ZAP70: variants seen among roughly 807,000 people sequenced by gnomAD.
ZAP70 encodes the protein tyrosine-protein kinase ZAP-70.
ZAP70 carries 27 observed loss-of-function variants against 65.8 expected under a neutral mutation model. The observed-to-expected ratio is 0.41, with a 90% confidence interval of 0.30 to 0.57. ZAP70 has a LOEUF of 0.57. ZAP70 is among the 20% of genes least tolerant of loss of function. The pLI, the probability that ZAP70 is intolerant of heterozygous loss-of-function variation, is 0.28. For synonymous variants in ZAP70, 363 were observed against 360.8 expected (o/e 1.01, Z -0.07); for missense variants, 696 against 870.5 (o/e 0.80, Z 2.52).
chr2:97,756,222 C>T, the ZAP70 span: 1 of 152,170 alleles, frequency 6.6e-6, no homozygotes, highest in South Asian at 2.1e-4. Flanking sequence ...AGAAGGCAAA[C>T]CCCGTCTTAA....
chr2:97,753,143 C>G, the ZAP70 span, among the ~76,000 whole-genome samples: 14 of 152,256 alleles, frequency 9.2e-5, no homozygotes, highest in South Asian at 2.9e-3. Flanking sequence ...GCAACAGGCA[C>G]CTATAACCTG....
In ZAP70 at chr2:97,724,640, G is replaced by A. The variant is rs1219401235; in HGVS notation, c.402+202G>A. Reference sequence around the variant, plus strand: ...GGCTCCGTGGTGGCGGTCGCCTTCCGCAGGCTGAGCGATGCTATGGTGCTC... The same window carrying A: ...GGCTCCGTGGTGGCGGTCGCCTTCCACAGGCTGAGCGATGCTATGGTGCTC... On this transcript the variant is annotated intron_variant, in intron 3 of 13. Transcript: ENST00000264972. 2.6e-6 allele frequency: 4 copies of A among 1,531,892 alleles called. No homozygotes were observed. The South Asian group carries it at 3.6e-5, about 14-fold the overall frequency. 94.9% of individuals were successfully genotyped at this position (1,531,892 alleles called of 1,614,324 possible). A position where few individuals can be genotyped will look rare whatever the true frequency, so the allele number is the denominator to read the frequency against.
chr2:97,730,983 A>C (rs1321594386), intron 4 of ZAP70, among the ~76,000 whole-genome samples: 1 of 147,312 alleles, frequency 6.8e-6, no homozygotes, highest in Non-Finnish European at 1.5e-5. Flanking sequence ...TGGACCCAGG[A>C]GGCAGAGCTT....
chr2:97,735,699 G>A (rs1677846325), intron 10 of ZAP70, among the ~76,000 whole-genome samples: 1 of 152,226 alleles, frequency 6.6e-6, no homozygotes, highest in Non-Finnish European at 1.5e-5. Context: ...TGCGAGGATC[G>A]AATGAGTCGG....
chr2:97,751,758 C>A, the ZAP70 span, among the ~76,000 whole-genome samples: 1 of 152,142 alleles, frequency 6.6e-6, no homozygotes, highest in African/African-American at 2.4e-5. Context: ...TGGGTGCACT[C>A]CTGGTGGAGG....
In ZAP70 at chr2:97,736,794, A is replaced by C. The variant is rs1255107818; in HGVS notation, c.1290-679A>C. On this transcript the variant is annotated intron_variant, in intron 10 of 13. Coordinates refer to ENST00000264972, the MANE Select transcript of ZAP70 (RefSeq NM_001079.4). This position sits in a 1 kb window ranked among gnomAD's most constrained non-coding sequence, Gnocchi z 4.0. Reference sequence around the variant, plus strand: ...TGGTGCGGGCAGGGAGGGGATGAGCAGACCGTGCCAGGCCTTGCGGGCTGC... The same window carrying C: ...TGGTGCGGGCAGGGAGGGGATGAGCCGACCGTGCCAGGCCTTGCGGGCTGC... 6.6e-6 allele frequency among the ~76,000 whole-genome samples: 1 copy of C among 152,144 alleles called. No individual in the cohort carries two copies. Among genetic ancestry groups the C allele is most frequent in the Non-Finnish European group, 1.5e-5 (1 of 68,016 alleles).
chr2:97,734,225 A>G, intron 8 of ZAP70: 1 of 641,872 alleles, frequency 1.6e-6, no homozygotes, highest in African/African-American at 1.8e-5. Context: ...GCGTACACGT[A>G]CGAATGCACA....
the ZAP70 span, among the ~76,000 whole-genome samples, chr2:97,749,552 G>A: frequency 4.6e-5 from 7 of 152,194 alleles, no homozygotes; most frequent in African/African-American, 7.2e-5. Flanking sequence ...CTGCAGAAGC[G>A]GGAGGGGACT....
chr2:97,741,079 C>G (rs1332476296), downstream of ZAP70, among the ~76,000 whole-genome samples: 1 of 152,138 alleles, frequency 6.6e-6, no homozygotes, highest in African/African-American at 2.4e-5. Context: ...GATGGTTTAG[C>G]TTTTCTACGG....
chr2:97,747,815 G>GTTT, the ZAP70 span, among the ~76,000 whole-genome samples: 608 of 54,668 alleles, frequency 0.011, 84 homozygotes, highest in Middle Eastern at 0.024. Context: ...CTGGCACGAG[G>GTTT]TTTTTTTTTT....
At chr2:97,723,411 T>G (rs773902031) in intron 2 of ZAP70, among the ~76,000 whole-genome samples, 1 of 152,248 alleles carries the variant, frequency 6.6e-6, no homozygotes, top group African/African-American at 2.4e-5. Context: ...CCTCTCTGCC[T>G]GATGCGCTGT....
chr2:97,740,333 T>A (rs897450324), downstream of ZAP70, among the ~76,000 whole-genome samples: 2 of 152,244 alleles, frequency 1.3e-5, no homozygotes, highest in South Asian at 4.1e-4. Flanking sequence ...ATGCAAACAT[T>A]GTTTTTAAAT....
At position 97,737,400 on chromosome 2, in the gene ZAP70, A is replaced by G; in HGVS notation, c.1290-73A>G. 6.5e-7 allele frequency: 1 copy of G among 1,539,660 alleles called. No homozygotes were observed. Among genetic ancestry groups the G allele is most frequent in the East Asian group, 2.2e-5 (1 of 44,458 alleles). ...CACCTGGCTCATGCCCAGCTGGGTC[A>G]GAGAAGCATGCTTTGCCCCTGGGAA... On this transcript the variant is annotated intron_variant, in intron 10 of 13. Transcript: ENST00000264972. This position sits in a 1 kb window ranked among gnomAD's most constrained non-coding sequence, Gnocchi z 5.0.
At chr2:97,717,212 CAG>C (rs1339897597) in intron 2 of ZAP70, among the ~76,000 whole-genome samples, 9 of 140,744 alleles carry the variant, frequency 6.4e-5, no homozygotes, top group South Asian at 2.2e-4. Flanking sequence ...ACTAGGGGTT[CAG>C]AGAGAGAGAG....
chr2:97,714,411 C>A (rs1221811413), intron 2 of ZAP70, among the ~76,000 whole-genome samples: 2 of 152,220 alleles, frequency 1.3e-5, no homozygotes, highest in African/African-American at 4.8e-5. Flanking sequence ...GAGTCCAGGG[C>A]AGGCTTGAGC....
At chr2:97,721,821 C>T (rs1178445363) in intron 2 of ZAP70, among the ~76,000 whole-genome samples, 1 of 151,386 alleles carries the variant, frequency 6.6e-6, no homozygotes, top group African/African-American at 2.4e-5. Context: ...CGCACTGTCG[C>T]CCCAGCTGGA....
At position 97,731,896 on chromosome 2, in the gene ZAP70, C is replaced by T. The variant is rs1027808066; in HGVS notation, c.564-987C>T. Among the ~76,000 whole-genome samples the T allele has an allele frequency of 1.3e-5, 2 of 152,182 alleles. No individual in the cohort carries two copies. The highest frequency in any genetic ancestry group is 4.8e-5 in the African/African-American group (2 of 41,436). Reference sequence around the variant, plus strand: ...CGGCTGCTTCCGGCCTCCACAGCTTCCACGGGGCCAGCTGCCCTCCCTCCT... The same window carrying T: ...CGGCTGCTTCCGGCCTCCACAGCTTTCACGGGGCCAGCTGCCCTCCCTCCT... On this transcript the variant is annotated intron_variant, in intron 4 of 13. Transcript: ENST00000264972. This position sits in a 1 kb window ranked among gnomAD's most constrained non-coding sequence, Gnocchi z 4.0.
At chr2:97,749,246 G>T in the ZAP70 span, among the ~76,000 whole-genome samples, 6 of 152,120 alleles carry the variant, frequency 3.9e-5, no homozygotes, top group East Asian at 9.7e-4. Flanking sequence ...CCTGACCTCG[G>T]GATCCGCCTG....
chr2:97,718,025 T>G (rs1039742783), intron 2 of ZAP70, among the ~76,000 whole-genome samples: 2 of 152,238 alleles, frequency 1.3e-5, no homozygotes, highest in Non-Finnish European at 2.9e-5. Context: ...CTAGGATCTC[T>G]GAACTGTGAG....
Sources: allele counts gnomAD v4.1 joint callset (sites outside exome capture counted in the v4.1 genomes callset), GRCh38; gene constraint gnomAD v4.1.1; non-coding constraint Gnocchi (gnomAD v3.1); transcripts MANE v1.5; gene names NCBI Gene and HGNC (gene_info 2026-07-23, HGNC 2026-07-21).